Variants in XYLT1 observed in about 807,000 individuals in gnomAD.
XYLT1 encodes the protein xylosyltransferase 1.
XYLT1 carries 36 observed loss-of-function variants against 91.3 expected under a neutral mutation model. That is an observed-to-expected ratio of 0.39 (90% CI 0.30 to 0.52). The LOEUF (loss-of-function observed/expected upper bound fraction) is 0.52, where lower values mean the gene tolerates loss of function less well. Ranked by LOEUF, XYLT1 falls within the 20% of genes least tolerant of loss-of-function variation. The pLI is 0.68. For synonymous variants in XYLT1, 588 were observed against 532.0 expected, an observed-to-expected ratio of 1.11 and a Z score of -1.45; for missense variants, 1,242 against 1,284.5, an observed-to-expected ratio of 0.97 and a Z score of 0.51.
chr16:17,203,417 C>T (rs555392182), intron 3 of XYLT1, among the ~76,000 whole-genome samples: 6 of 151,940 alleles, frequency 3.9e-5, no homozygotes, highest in Non-Finnish European at 8.8e-5. Context: ...TTCATCCATC[C>T]ACCATTCCAC....
intron 5 of XYLT1, among the ~76,000 whole-genome samples, chr16:17,177,218 G>A (rs968011943): frequency 6.6e-6 from 1 of 152,104 alleles, no homozygotes; most frequent in African/African-American, 2.4e-5. Flanking sequence ...CTGGGCAGAG[G>A]GCACTCCAGC....
chr16:17,251,822 C>T (rs1210654052), intron 3 of XYLT1, among the ~76,000 whole-genome samples: 1 of 152,184 alleles, frequency 6.6e-6, no homozygotes, highest in African/African-American at 2.4e-5. Flanking sequence ...GCAACCAGGG[C>T]TTCTGGGGAA....
At position 17,283,942 on chromosome 16, in the gene XYLT1, C is replaced by T. The variant is rs571792823; in HGVS notation, c.403-24444G>A. Among the ~76,000 whole-genome samples, 15 of 152,326 alleles carry T rather than the reference C, an allele frequency of 9.8e-5. No individual in the cohort carries two copies. In the South Asian group the frequency reaches 3.1e-3, roughly 32 times the overall value. On this transcript the variant is annotated intron_variant, in intron 2 of 11. Coordinates refer to ENST00000261381, the MANE Select transcript of XYLT1 (RefSeq NM_022166.4). Reference sequence around the variant, plus strand: ...TATCCAGCTGTGATACTGTTATCCGCACTACCACTATACACCCGCCCAGTC... The same window carrying T: ...TATCCAGCTGTGATACTGTTATCCGTACTACCACTATACACCCGCCCAGTC...
At chr16:17,339,919 TCATC>T (rs953365963) in intron 2 of XYLT1, among the ~76,000 whole-genome samples, 7 of 151,110 alleles carry the variant, frequency 4.6e-5, no homozygotes, top group African/African-American at 1.7e-4. Context: ...ATCCATCCAT[TCATC>T]CATCCTCCAT....
intron 5 of XYLT1, among the ~76,000 whole-genome samples, chr16:17,190,737 C>CCACT (rs2032292081): frequency 6.6e-6 from 1 of 152,040 alleles, no homozygotes; most frequent in African/African-American, 2.4e-5. Context: ...CTCTTGTGAA[C>CCACT]AGTGCCACAA....
At chr16:17,351,752 G>A (rs575399006) in intron 2 of XYLT1, among the ~76,000 whole-genome samples, 4 of 149,592 alleles carry the variant, frequency 2.7e-5, no homozygotes, top group Non-Finnish European at 5.9e-5. Flanking sequence ...TTTTTTTTGG[G>A]GGGGGGTGCT....
chr16:17,161,807 T>C (rs558188666), intron 5 of XYLT1, among the ~76,000 whole-genome samples: 7 of 152,202 alleles, frequency 4.6e-5, no homozygotes, highest in South Asian at 4.2e-4. Flanking sequence ...CTCCTACTTT[T>C]TGCTGAAATG....
In XYLT1 at chr16:17,465,143, C is replaced by CAAAAAA. The variant is rs35623153; in HGVS notation, c.363+5285_363+5290dup. 5.0e-4 allele frequency among the ~76,000 whole-genome samples: 18 copies of CAAAAAA among 35,866 alleles called. 2 individuals are homozygous for CAAAAAA. The highest frequency in any genetic ancestry group is 1.4e-3 in the African/African-American group (11 of 7,604). 23.5% of individuals were successfully genotyped at this position (35,866 alleles called of 152,430 possible). A position where few individuals can be genotyped will look rare whatever the true frequency, so the allele number is the denominator to read the frequency against. ...TGGGTGACAGAGCAAGATGCTGTCT[C>CAAAAAA]AAAAAAAAAAAAAAAAAAAAAAAAA... On this transcript the variant is annotated intron_variant, in intron 1 of 11. Transcript: ENST00000261381.
At chr16:17,459,974 A>T (rs2036795800) in intron 1 of XYLT1, among the ~76,000 whole-genome samples, 1 of 152,192 alleles carries the variant, frequency 6.6e-6, no homozygotes, top group Admixed American at 6.5e-5. Context: ...GCTTGAAGAC[A>T]TGAGCCCCGT....
At chr16:17,396,320 C>T (rs993859518) in intron 1 of XYLT1, among the ~76,000 whole-genome samples, 15 of 152,190 alleles carry the variant, frequency 9.9e-5, no homozygotes, top group Non-Finnish European at 1.9e-4. Context: ...GCGTTATTTG[C>T]TTCTGAGTCT....
intron 1 of XYLT1, among the ~76,000 whole-genome samples, chr16:17,457,361 C>G (rs931337994): frequency 6.6e-6 from 1 of 152,180 alleles, no homozygotes; most frequent in Non-Finnish European, 1.5e-5. Flanking sequence ...TGCCTGCTCA[C>G]TCCAATAAAC....
intron 5 of XYLT1, among the ~76,000 whole-genome samples, chr16:17,197,014 A>AATATGTATATAT (rs2032439427): frequency 2.7e-5 from 3 of 110,510 alleles, no homozygotes; most frequent in Admixed American, 9.5e-5. Context: ...CTGTCTCCAA[A>AATATGTATATAT]ATATATATAT....
intron 10 of XYLT1, among the ~76,000 whole-genome samples, chr16:17,119,488 A>G (rs992233303): frequency 2.6e-5 from 4 of 152,228 alleles, no homozygotes; most frequent in African/African-American, 2.4e-5. Flanking sequence ...GTGGATACAC[A>G]TACCCACATT....
chr16:17,302,788 A>G (rs2034415927), intron 2 of XYLT1, among the ~76,000 whole-genome samples: 2 of 152,176 alleles, frequency 1.3e-5, no homozygotes, highest in Admixed American at 1.3e-4. Context: ...GAACTTCAAA[A>G]GGTTCCAGAA....
intron 1 of XYLT1, among the ~76,000 whole-genome samples, chr16:17,366,250 C>T (rs1185274223): frequency 6.6e-6 from 1 of 152,146 alleles, no homozygotes; most frequent in Non-Finnish European, 1.5e-5. Context: ...GCTGGCCTGG[C>T]TACTGCAAGC....
chr16:17,327,293 A>G (rs2034819863), intron 2 of XYLT1, among the ~76,000 whole-genome samples: 1 of 152,140 alleles, frequency 6.6e-6, no homozygotes, highest in Non-Finnish European at 1.5e-5. Context: ...AACACCTGTC[A>G]ACAAAAACAG....
intron 1 of XYLT1, among the ~76,000 whole-genome samples, chr16:17,465,562 G>C (rs1469137): frequency 0.62 from 83,716 of 135,878 alleles, 27,125 homozygotes; most frequent in Admixed American, 0.7. Flanking sequence ...TTTTTGGGGG[G>C]GGGGGGGGTG....
intron 2 of XYLT1, among the ~76,000 whole-genome samples, chr16:17,322,437 T>G (rs1475686829): frequency 6.6e-6 from 1 of 152,184 alleles, no homozygotes; most frequent in Non-Finnish European, 1.5e-5. Flanking sequence ...GACAGAGTGC[T>G]GCAGTGTCCT....
chr16:17,450,162 AC>A (rs1431698448), intron 1 of XYLT1, among the ~76,000 whole-genome samples: 3 of 152,054 alleles, frequency 2.0e-5, no homozygotes, highest in Non-Finnish European at 2.9e-5. Flanking sequence ...ACATGGTGAA[AC>A]CCCACCTCTA....
Sources: allele counts gnomAD v4.1 joint callset (sites outside exome capture counted in the v4.1 genomes callset), GRCh38; gene constraint gnomAD v4.1.1; transcripts MANE v1.5; gene names NCBI Gene and HGNC (gene_info 2026-07-23, HGNC 2026-07-21).